The following CDKL1 variants were observed in gnomAD, a reference collection of about 807,000 sequenced individuals.
The protein encoded by CDKL1 is cyclin dependent kinase like 1.
Under a neutral mutation model 42.0 loss-of-function variants are expected in CDKL1, and 41 were observed. The ratio of observed to expected loss-of-function variants is 0.98; its 90% confidence interval spans 0.76 to 1.27. The LOEUF is 1.27. CDKL1 is among the 50% of genes most tolerant of loss of function. CDKL1 has a pLI of 0.00. For synonymous variants in CDKL1, 153 were observed against 158.6 expected (o/e 0.96, Z 0.26); for missense variants, 394 against 428.4 (o/e 0.92, Z 0.71).
At chr14:50,336,829 A>G (rs975716925) in intron 7 of CDKL1, among the ~76,000 whole-genome samples, 1 of 151,062 alleles carries the variant, frequency 6.6e-6, no homozygotes, top group Non-Finnish European at 1.5e-5. Flanking sequence ...TAGTATTTTG[A>G]TATATATCCT....
intron 2 of CDKL1, among the ~76,000 whole-genome samples, chr14:50,387,977 A>C (rs2035137370): frequency 6.6e-6 from 1 of 151,770 alleles, no homozygotes; most frequent in Non-Finnish European, 1.5e-5. Flanking sequence ...ACTCACCGCC[A>C]CCTCCACCTC....
At chr14:50,349,383 C>G (rs1054396536) in intron 3 of CDKL1, among the ~76,000 whole-genome samples, 1 of 152,230 alleles carries the variant, frequency 6.6e-6, no homozygotes, top group East Asian at 1.9e-4. Flanking sequence ...TGCTCTTTCT[C>G]AGGAAGCCCC....
chr14:50,369,034 T>C (rs909607645), intron 2 of CDKL1, among the ~76,000 whole-genome samples: 6 of 151,936 alleles, frequency 3.9e-5, no homozygotes, highest in African/African-American at 4.8e-5. Flanking sequence ...GCCTGGCTAA[T>C]TTTTGTATTT....
At chr14:50,342,243 A>T in intron 4 of CDKL1, 21 bp from the exon 5 acceptor site, 2 of 1,598,558 alleles carry the variant, frequency 1.3e-6, no homozygotes, top group Non-Finnish European at 8.6e-7. Context: ...AAATCAAAAC[A>T]AAAACAATAT....
At chr14:50,383,474 T>C (rs914482448) in intron 2 of CDKL1, among the ~76,000 whole-genome samples, 1 of 150,710 alleles carries the variant, frequency 6.6e-6, no homozygotes, top group African/African-American at 2.4e-5. Context: ...CGCTTGAACC[T>C]GCGGGGAGGA....
intron 2 of CDKL1, among the ~76,000 whole-genome samples, chr14:50,367,985 G>A (rs964997147): frequency 1.3e-5 from 2 of 151,922 alleles, no homozygotes; most frequent in Non-Finnish European, 2.9e-5. Context: ...TTGAAACAGG[G>A]TCTCACTCTG....
intron 2 of CDKL1, among the ~76,000 whole-genome samples, chr14:50,383,607 A>G (rs529618557): frequency 6.6e-6 from 1 of 151,520 alleles, no homozygotes; most frequent in East Asian, 1.9e-4. Flanking sequence ...GTCCACCTAG[A>G]AATTTTACAG....
At chr14:50,342,342 G>T in intron 4 of CDKL1, 120 bp from the exon 5 acceptor site, 2 of 1,456,678 alleles carry the variant, frequency 1.4e-6, no homozygotes, top group South Asian at 1.3e-5. Context: ...TGGCCTGTTG[G>T]ACAACAGCAA....
chr14:50,334,858 G>T, intron 7 of CDKL1: 1 of 397,910 alleles, frequency 2.5e-6, no homozygotes, highest in Non-Finnish European at 4.4e-6. Context: ...TTCCTGCTCT[G>T]ATACCAATGG....
chr14:50,362,888 A>T (rs539934019), intron 2 of CDKL1: 1 of 426,466 alleles, frequency 2.3e-6, no homozygotes, highest in Non-Finnish European at 5.1e-6. Context: ...GTGGCAACCT[A>T]CCCTGGGCAC....
chr14:50,335,475 T>C (rs1566573475), intron 7 of CDKL1: 1 of 1,535,942 alleles, frequency 6.5e-7, no homozygotes. Context: ...GTTTAAACAG[T>C]CTCCTGTGGG....
chr14:50,382,939 T>G (rs2034961049), intron 2 of CDKL1, among the ~76,000 whole-genome samples: 1 of 151,714 alleles, frequency 6.6e-6, no homozygotes, highest in African/African-American at 2.4e-5. Context: ...TGTTTTTTTT[T>G]TTTTTTGAGA....
chr14:50,373,051 G>GT (rs1210140819), intron 2 of CDKL1, among the ~76,000 whole-genome samples: 1 of 152,100 alleles, frequency 6.6e-6, no homozygotes, highest in Non-Finnish European at 1.5e-5. Flanking sequence ...TATTAGCATA[G>GT]TTTTTTCTAT....
At chr14:50,331,986 T>A (rs749575434) in intron 9 of CDKL1, 1 of 1,496,160 alleles carries the variant, frequency 6.7e-7, no homozygotes, top group South Asian at 1.3e-5. Flanking sequence ...GCTGGACTCA[T>A]ACTCATGTAC....
chr14:50,397,189 A>G, upstream of CDKL1: 1 of 1,366,590 alleles, frequency 7.3e-7, no homozygotes, highest in Non-Finnish European at 9.8e-7. Context: ...TGAGCGGTCC[A>G]CATTTCCCTG....
At chr14:50,349,078 A>G (rs1166180100) in intron 3 of CDKL1, among the ~76,000 whole-genome samples, 1 of 152,198 alleles carries the variant, frequency 6.6e-6, no homozygotes, top group Non-Finnish European at 1.5e-5. Flanking sequence ...AAATCAAGAC[A>G]CACTCATGAG....
chr14:50,382,721 A>G (rs978316583), intron 2 of CDKL1, among the ~76,000 whole-genome samples: 2 of 151,944 alleles, frequency 1.3e-5, no homozygotes, highest in Non-Finnish European at 2.9e-5. Context: ...AGCCTCCTGA[A>G]TAGCTGGGAC....
chr14:50,359,222 A>C (rs903413215), intron 2 of CDKL1, 73 bp from the exon 3 acceptor site: 1 of 1,517,470 alleles, frequency 6.6e-7, no homozygotes, highest in Non-Finnish European at 8.9e-7. Flanking sequence ...GATCCAATAA[A>C]AAGTAAGTTG....
intron 2 of CDKL1, among the ~76,000 whole-genome samples, chr14:50,379,460 G>T (rs2034839799): frequency 6.6e-6 from 1 of 152,172 alleles, no homozygotes; most frequent in Non-Finnish European, 1.5e-5. Context: ...TCCTCAGTAG[G>T]CTGGAGATGC....
Sources: gnomAD v4.1 joint callset for allele counts (sites outside exome capture counted in the v4.1 genomes callset) on GRCh38, gnomAD v4.1.1 for gene constraint, MANE v1.5 for transcripts, NCBI Gene and HGNC (gene_info 2026-07-23, HGNC 2026-07-21) for gene names.